Variants in SLC9A7 observed in about 807,000 individuals in gnomAD.
SLC9A7 encodes sodium/hydrogen exchanger 7.
In SLC9A7, 19 loss-of-function variants were observed where a neutral mutation model predicts 52.6. That is an observed-to-expected ratio of 0.36 (90% CI 0.25 to 0.53). The LOEUF is 0.53. Among genes scored for constraint, SLC9A7 ranks in the 20% least tolerant of loss-of-function variants. The pLI, the probability that SLC9A7 is intolerant of heterozygous loss-of-function variation, is 0.91. For missense variants in SLC9A7, 455 were observed against 597.9 expected, an observed-to-expected ratio of 0.76 and a Z score of 2.49; for synonymous variants, 226 against 252.1, an observed-to-expected ratio of 0.90 and a Z score of 0.98.
chrX:46,756,259 T>G (rs1290350696), intron 1 of SLC9A7, among the ~76,000 whole-genome samples: 1 of 111,418 alleles, frequency 9.0e-6, no homozygotes, highest in African/African-American at 3.3e-5. Context: ...CGTTCCTTAT[T>G]CAGAGCCAAG....
intron 16 of SLC9A7, among the ~76,000 whole-genome samples, chrX:46,612,134 C>T (rs1364385721): frequency 1.8e-5 from 2 of 112,492 alleles, no homozygotes; most frequent in Non-Finnish European, 3.8e-5. Context: ...CTGAGATGCA[C>T]TTTCCTTCTC....
At chrX:46,758,285 G>C (rs1922826241) in intron 1 of SLC9A7, among the ~76,000 whole-genome samples, 2 of 111,571 alleles carry the variant, frequency 1.8e-5, no homozygotes, top group Non-Finnish European at 3.8e-5. Flanking sequence ...GACACTTTCA[G>C]ACTTCGTCCC....
At chrX:46,682,729 T>C (rs1944229966) in intron 1 of SLC9A7, among the ~76,000 whole-genome samples, 194 bp from the exon 2 acceptor site, 1 of 111,220 alleles carries the variant, frequency 9.0e-6, no homozygotes, top group South Asian at 3.8e-4. Context: ...TCTGGTCCGA[T>C]TTAAGTTGCT....
intron 12 of SLC9A7, among the ~76,000 whole-genome samples, chrX:46,638,130 G>A (rs1416465069): frequency 9.0e-6 from 1 of 111,661 alleles, no homozygotes; most frequent in African/African-American, 3.3e-5. Flanking sequence ...ATTTCAGGGG[G>A]TTTCTGAATC....
intron 1 of SLC9A7, among the ~76,000 whole-genome samples, chrX:46,756,693 T>C (rs1291405657): frequency 8.9e-6 from 1 of 112,414 alleles, no homozygotes; most frequent in Non-Finnish European, 1.9e-5. Context: ...AAACTAAATT[T>C]CTTTATACAT....
rs1490287735 is a variant in SLC9A7, at chrX:46,606,937, G to A, written c.*15C>T. 1.7e-6 allele frequency: 2 copies of A among 1,210,968 alleles called. No homozygotes were observed. Among genetic ancestry groups the A allele is most frequent in the East Asian group, 5.9e-5 (2 of 33,828 alleles). On this transcript the variant is annotated 3_prime_UTR_variant, in exon 17 of 17. Transcript: ENST00000616978. ...TCGGGAGCCTACCCCATCGCGCCAG[G>A]GCTTGGGGGGAAAGTCAAGCATTAT...
At chrX:46,665,816 T>A (rs1326319730) in intron 5 of SLC9A7, among the ~76,000 whole-genome samples, 1 of 109,345 alleles carries the variant, frequency 9.1e-6, no homozygotes, top group Non-Finnish European at 1.9e-5. Flanking sequence ...ATGTGTTCTC[T>A]GGTGGCTGCC....
intron 1 of SLC9A7, among the ~76,000 whole-genome samples, chrX:46,735,171 T>C (rs916408102): frequency 3.6e-5 from 4 of 112,024 alleles, no homozygotes; most frequent in African/African-American, 9.7e-5. Flanking sequence ...ATTTACTATC[T>C]TGTTAGTTGT....
At chrX:46,676,049 C>T in intron 3 of SLC9A7, among the ~76,000 whole-genome samples, 1 of 111,708 alleles carries the variant, frequency 9.0e-6, no homozygotes, top group South Asian at 3.8e-4. Context: ...CATCTGTATC[C>T]TTTGTAATAT....
At chrX:46,678,919 C>A (rs952822407) in intron 3 of SLC9A7, among the ~76,000 whole-genome samples, 2 of 111,045 alleles carry the variant, frequency 1.8e-5, no homozygotes, top group Non-Finnish European at 3.8e-5. Flanking sequence ...AGTTCCCTAT[C>A]ATTTAATCAA....
At chrX:46,648,867 G>A in intron 10 of SLC9A7, 70 bp from the exon 11 acceptor site, 1 of 809,807 alleles carries the variant, frequency 1.2e-6, no homozygotes, top group Non-Finnish European at 1.9e-6. Flanking sequence ...CTCCGGCTGA[G>A]CAGAGAATTT....
chrX:46,638,187 C>T (rs980884633), intron 12 of SLC9A7, among the ~76,000 whole-genome samples: 1 of 112,307 alleles, frequency 8.9e-6, no homozygotes, highest in Non-Finnish European at 1.9e-5. Context: ...ATGGCCATCA[C>T]ACCACAAGCC....
intron 11 of SLC9A7, among the ~76,000 whole-genome samples, chrX:46,645,149 G>A (rs988123740): frequency 1.1e-4 from 12 of 112,319 alleles, no homozygotes; most frequent in Non-Finnish European, 1.9e-4. Context: ...ATTTTTTATT[G>A]GAGATATCAT....
At chrX:46,734,402 TGTC>T (rs1945090232) in intron 1 of SLC9A7, among the ~76,000 whole-genome samples, 1 of 112,158 alleles carries the variant, frequency 8.9e-6, no homozygotes, top group Non-Finnish European at 1.9e-5. Context: ...TTCATCATAA[TGTC>T]ATCAGGAAGA....
Position 46,651,414 on chromosome X carries a change from C to A in SLC9A7, c.1148-10G>T. The A allele has an allele frequency of 8.6e-7, 1 of 1,165,542 alleles. No homozygotes were observed. The highest frequency in any genetic ancestry group is 3.0e-5 in the East Asian group (1 of 33,262). On this transcript the variant is annotated splice_polypyrimidine_tract_variant and intron_variant, in intron 8 of 16. Transcript: ENST00000616978. ...AGGACAGCTACAACACCTGTTAAAA[C>A]ATCCCCCCAAAAAAAATCAATGGAA...
At chrX:46,667,459 T>G (rs771103268) in intron 5 of SLC9A7, among the ~76,000 whole-genome samples, 2 of 111,345 alleles carry the variant, frequency 1.8e-5, no homozygotes, top group African/African-American at 6.5e-5. Flanking sequence ...GTGGTAACCA[T>G]TAGCCACATG....
At chrX:46,750,080 C>CAAAAAGA (rs1478350190) in intron 1 of SLC9A7, among the ~76,000 whole-genome samples, 2 of 107,088 alleles carry the variant, frequency 1.9e-5, no homozygotes, top group Non-Finnish European at 3.9e-5. Context: ...GACTCTGTCT[C>CAAAAAGA]AAAAAGAAAA....
At chrX:46,724,829 A>C (rs1432275455) in intron 1 of SLC9A7, among the ~76,000 whole-genome samples, 1 of 112,103 alleles carries the variant, frequency 8.9e-6, no homozygotes, top group African/African-American at 3.2e-5. Flanking sequence ...CTGCAGAGTT[A>C]TAGTGTCATA....
chrX:46,707,352 G>C (rs751180328), intron 1 of SLC9A7, among the ~76,000 whole-genome samples: 7 of 112,263 alleles, frequency 6.2e-5, no homozygotes, highest in Admixed American at 1.9e-4. Flanking sequence ...CTAGTAAGTG[G>C]CACAGCCAGG....
Sources: gnomAD v4.1 joint callset for allele counts (sites outside exome capture counted in the v4.1 genomes callset) on GRCh38, gnomAD v4.1.1 for gene constraint, MANE v1.5 for transcripts, NCBI Gene and HGNC (gene_info 2026-07-23, HGNC 2026-07-21) for gene names.